TRPM3: variants seen among roughly 807,000 people sequenced by gnomAD.
TRPM3 encodes the protein long transient receptor potential channel 3.
A neutral mutation model predicts 181.2 loss-of-function variants in TRPM3; 77 were observed. The observed-to-expected ratio is 0.42, with a 90% CI of 0.35 to 0.51. The LOEUF (loss-of-function observed/expected upper bound fraction) is 0.51. Among genes scored for constraint, TRPM3 ranks in the 20% least tolerant of loss-of-function variants. The probability of loss-of-function intolerance (pLI) is 0.01; values close to 1 mark genes in which losing one functional copy is unlikely to be tolerated. For synonymous variants in TRPM3, 745 were observed against 796.4 expected, an observed-to-expected ratio of 0.94 and a Z score of 1.09; for missense variants, 1,759 against 2,196.7, an observed-to-expected ratio of 0.80 and a Z score of 3.98.
chr9:70,793,409 G>T (rs1219752536), intron 6 of TRPM3, among the ~76,000 whole-genome samples: 2 of 148,312 alleles, frequency 1.3e-5, no homozygotes, highest in African/African-American at 5.0e-5. Context: ...TGAGCCCTGA[G>T]GGTGCCATTG....
At chr9:70,994,653 G>A (rs1253561644) in intron 1 of TRPM3, among the ~76,000 whole-genome samples, 1 of 151,918 alleles carries the variant, frequency 6.6e-6, no homozygotes, top group East Asian at 1.9e-4. Context: ...TCTGCCTCCA[G>A]ACCATCTTAC....
chr9:71,202,954 T>A (rs1438692086), intron 1 of TRPM3, among the ~76,000 whole-genome samples: 1 of 152,214 alleles, frequency 6.6e-6, no homozygotes, highest in Non-Finnish European at 1.5e-5. Flanking sequence ...AATGACTTTC[T>A]TTTTGCAAAA....
At chr9:71,219,120 G>A (rs2080081266) in intron 1 of TRPM3, among the ~76,000 whole-genome samples, 1 of 152,078 alleles carries the variant, frequency 6.6e-6, no homozygotes, top group Non-Finnish European at 1.5e-5. Context: ...GTGAGAAAAG[G>A]CTGCATTTCC....
chr9:70,789,795 A>G (rs1030840012), intron 6 of TRPM3, among the ~76,000 whole-genome samples: 4 of 152,238 alleles, frequency 2.6e-5, no homozygotes, highest in African/African-American at 9.6e-5. Flanking sequence ...GGGCTTTCTA[A>G]TTACATACTG....
intron 1 of TRPM3, among the ~76,000 whole-genome samples, chr9:71,189,825 T>C (rs2077901992): frequency 6.6e-6 from 1 of 151,880 alleles, no homozygotes. Context: ...CCCCATCCAA[T>C]GGGATTATAT....
intron 1 of TRPM3, among the ~76,000 whole-genome samples, chr9:71,368,584 T>C (rs907594109): frequency 7.9e-5 from 12 of 152,114 alleles, no homozygotes; most frequent in African/African-American, 2.9e-4. Context: ...TGAAAAAAAA[T>C]TGAATGAATT....
chr9:71,001,644 C>A (rs2097603728), intron 1 of TRPM3, among the ~76,000 whole-genome samples: 1 of 152,158 alleles, frequency 6.6e-6, no homozygotes, highest in Admixed American at 6.5e-5. Flanking sequence ...AACATTGAGT[C>A]CCTAGCCTTG....
intron 6 of TRPM3, among the ~76,000 whole-genome samples, chr9:70,816,486 A>G (rs2092701004): frequency 6.6e-6 from 1 of 152,178 alleles, no homozygotes. Context: ...CTTTTCCCCC[A>G]AGAGGGCCAA....
intron 8 of TRPM3, among the ~76,000 whole-genome samples, chr9:70,692,368 A>G (rs2068853835): frequency 6.6e-6 from 1 of 152,220 alleles, no homozygotes; most frequent in Non-Finnish European, 1.5e-5. Context: ...TTTAGCATTT[A>G]GTTTTAAAAA....
At chr9:70,674,764 C>T (rs2134136179) in intron 9 of TRPM3, among the ~76,000 whole-genome samples, 1 of 135,632 alleles carries the variant, frequency 7.4e-6, no homozygotes, top group South Asian at 2.5e-4. Context: ...CAAGGTCTCA[C>T]AATGTTGCCC....
chr9:71,235,061 G>A (rs1289058364), intron 1 of TRPM3, among the ~76,000 whole-genome samples: 3 of 152,166 alleles, frequency 2.0e-5, no homozygotes, highest in African/African-American at 7.2e-5. Flanking sequence ...GCCAACCTAT[G>A]CGCCAACCAT....
chr9:71,322,488 A>G (rs1440450698), intron 1 of TRPM3, among the ~76,000 whole-genome samples: 1 of 152,152 alleles, frequency 6.6e-6, no homozygotes, highest in Non-Finnish European at 1.5e-5. Flanking sequence ...CATCTCATCC[A>G]GTCATACTGC....
chr9:71,348,548 TTATA>T (rs1288522338), intron 1 of TRPM3, among the ~76,000 whole-genome samples: 1,654 of 146,600 alleles, frequency 0.011, 25 homozygotes, highest in African/African-American at 0.036. Context: ...GTTTATTTAT[TTATA>T]TATTTATTTA....
chr9:71,058,310 AT>A (rs147400834), intron 1 of TRPM3, among the ~76,000 whole-genome samples: 2,076 of 152,106 alleles, frequency 0.014, 36 homozygotes, highest in African/African-American at 0.048. Flanking sequence ...TCTCCTGCTG[AT>A]TCTTCAGCTG....
chr9:71,122,789 C>A (rs10780989), upstream of TRPM3, among the ~76,000 whole-genome samples: 48,898 of 151,824 alleles, frequency 0.32, 8,395 homozygotes, highest in East Asian at 0.48. Context: ...AAAACTAGTC[C>A]ACGGGTGGAA....
At chr9:71,259,130 T>C (rs1287916775) in intron 1 of TRPM3, among the ~76,000 whole-genome samples, 1 of 151,892 alleles carries the variant, frequency 6.6e-6, no homozygotes, top group Non-Finnish European at 1.5e-5. Flanking sequence ...CACTTATGAG[T>C]GAGAACATGT....
intron 8 of TRPM3, among the ~76,000 whole-genome samples, chr9:70,760,254 T>A (rs1039449032): frequency 4.0e-5 from 6 of 151,752 alleles, no homozygotes; most frequent in African/African-American, 1.5e-4. Context: ...AAATGTATAG[T>A]CCTGGTAAGG....
chr9:70,853,165 G>T (rs1388244763), intron 3 of TRPM3, among the ~76,000 whole-genome samples: 1 of 152,170 alleles, frequency 6.6e-6, no homozygotes, highest in Non-Finnish European at 1.5e-5. Flanking sequence ...AAAAGAATCT[G>T]TTCCATTCTT....
chr9:71,129,124 T>C (rs1024918587), intron 1 of TRPM3, among the ~76,000 whole-genome samples: 1 of 152,162 alleles, frequency 6.6e-6, no homozygotes, highest in African/African-American at 2.4e-5. Context: ...TTTGACAGCC[T>C]TCCAAAAAAT....
Sources: gnomAD v4.1 joint callset for allele counts (sites outside exome capture counted in the v4.1 genomes callset) on GRCh38, gnomAD v4.1.1 for gene constraint, MANE v1.5 for transcripts, NCBI Gene and HGNC (gene_info 2026-07-23, HGNC 2026-07-21) for gene names.